The following MAEA variants were observed in gnomAD, a reference collection of about 807,000 sequenced individuals.
MAEA encodes the protein E3 ubiquitin-protein transferase MAEA.
In MAEA, 22 loss-of-function variants were observed where a neutral mutation model predicts 46.2. That is an observed-to-expected ratio of 0.48 (90% CI 0.34 to 0.68). The LOEUF (loss-of-function observed/expected upper bound fraction) is 0.68. Ranked by LOEUF, MAEA falls within the 30% of genes least tolerant of loss-of-function variation. The pLI is 0.01. For synonymous variants in MAEA, 246 were observed against 222.6 expected, an observed-to-expected ratio of 1.11 and a Z score of -0.94; for missense variants, 393 against 558.1, an observed-to-expected ratio of 0.70 and a Z score of 2.98.
At chr4:1,317,694 G>C (rs1164988888) in intron 3 of MAEA, among the ~76,000 whole-genome samples, 1 of 152,214 alleles carries the variant, frequency 6.6e-6, no homozygotes, top group Non-Finnish European at 1.5e-5. Context: ...CACCGCTGGG[G>C]TATGGCGTCT....
Position 1,324,850 on chromosome 4 carries a change from ATG to A in MAEA, c.579+2348_579+2349del, listed in dbSNP as rs1377331334. On this transcript the variant is annotated intron_variant, in intron 4 of 8. Transcript: ENST00000303400. ...GGTGGATGAGCGTGCCTGGTGTTGG[ATG>A]AGTTGAGATTGGATGAGCGTGCCTG... 5.7e-5 allele frequency among the ~76,000 whole-genome samples: 8 copies of A among 140,722 alleles called. No homozygotes were observed. The Admixed American group carries it at 5.8e-4, about 10-fold the overall frequency. 92.3% of individuals were successfully genotyped at this position (140,722 alleles called of 152,430 possible).
chr4:1,292,537 G>A (rs538170709), intron 1 of MAEA, among the ~76,000 whole-genome samples: 48 of 152,272 alleles, frequency 3.2e-4, no homozygotes, highest in Admixed American at 3.3e-4. Context: ...GCCTGCGAAC[G>A]TTTGGGCTGG....
intron 2 of MAEA, chr4:1,312,533 G>T: frequency 4.9e-6 from 1 of 202,872 alleles, no homozygotes; most frequent in Non-Finnish European, 1.0e-5. Flanking sequence ...GGGTTCAGGC[G>T]ATTCTCCTGC....
chr4:1,338,887 A>G, intron 8 of MAEA, 187 bp from the exon 9 acceptor site: 1 of 660,796 alleles, frequency 1.5e-6, no homozygotes, highest in South Asian at 1.8e-5. Flanking sequence ...TTCGTTCGAA[A>G]TGGATGAAGG....
intron 2 of MAEA, chr4:1,312,520 C>T: frequency 4.7e-6 from 1 of 214,480 alleles, no homozygotes; most frequent in Non-Finnish European, 9.4e-6. Flanking sequence ...GCCTCCACCT[C>T]CGGGGTTCAG....
At chr4:1,326,589 C>T (rs1280606430) in intron 4 of MAEA, among the ~76,000 whole-genome samples, 1 of 152,182 alleles carries the variant, frequency 6.6e-6, no homozygotes, top group Non-Finnish European at 1.5e-5. Flanking sequence ...CATAGGCAGA[C>T]ACATGTGGGA....
chr4:1,331,600 C>G (rs1711820159), intron 5 of MAEA: 1 of 152,328 alleles, frequency 6.6e-6, no homozygotes, highest in South Asian at 2.1e-4. Flanking sequence ...CAGCACAGGG[C>G]TGACTCACAC....
chr4:1,294,280 C>T (rs375895864), intron 1 of MAEA, among the ~76,000 whole-genome samples: 3 of 152,176 alleles, frequency 2.0e-5, no homozygotes, highest in African/African-American at 7.2e-5. Context: ...TCCGCGGCCT[C>T]CGCGCTGGCA....
rs555472746 is a variant in MAEA at position 1,336,753 on chromosome 4, G to A, written c.766-108G>A. ...AGTGCAAAGTGTGTGGGTCACTGGG[G>A]GATGGCTGTGGGCCGATGGCACCTG... is the stretch of plus-strand genomic sequence containing the variant. On this transcript the variant is annotated intron_variant, in intron 6 of 8. Coordinates refer to ENST00000303400, the MANE Select transcript of MAEA (RefSeq NM_001017405.3). 3.9e-6 allele frequency: 4 copies of A among 1,031,340 alleles called. No individual in the cohort carries two copies. The South Asian group carries it at 6.2e-5, about 16-fold the overall frequency. The allele number at this position is 1,031,340 out of a possible 1,614,324, so 63.9% of individuals were successfully genotyped here.
At chr4:1,312,195 G>T (rs202041169) in intron 2 of MAEA, 34 bp downstream of exon 2, 1 of 1,611,704 alleles carries the variant, frequency 6.2e-7, no homozygotes, top group East Asian at 2.2e-5. Context: ...CTTCAGTCTG[G>T]GGCATGGACA....
At chr4:1,312,249 A>G (rs1388155262) in intron 2 of MAEA, 88 bp downstream of exon 2, 4 of 1,519,614 alleles carry the variant, frequency 2.6e-6, no homozygotes, top group Non-Finnish European at 3.6e-6. Context: ...GCAAGCTGCA[A>G]TGATGGGAAC....
At chr4:1,309,792 C>A in intron 1 of MAEA, 1 of 1,421,070 alleles carries the variant, frequency 7.0e-7, no homozygotes. Flanking sequence ...TTCCCTTGCA[C>A]TGGGAGCAAA....
intron 6 of MAEA, among the ~76,000 whole-genome samples, chr4:1,333,702 A>C (rs1577236272): frequency 1.2e-4 from 2 of 16,892 alleles, no homozygotes; most frequent in Non-Finnish European, 1.1e-4. Flanking sequence ...CCGTGTGCTC[A>C]CCCCCTTGCC....
intron 6 of MAEA, among the ~76,000 whole-genome samples, chr4:1,336,139 A>T (rs1310187091): frequency 6.6e-6 from 1 of 152,186 alleles, no homozygotes; most frequent in African/African-American, 2.4e-5. Flanking sequence ...AGCATGTTGA[A>T]ATCAGGGAGT....
At chr4:1,323,040 G>A (rs1738355957) in intron 4 of MAEA, among the ~76,000 whole-genome samples, 1 of 144,356 alleles carries the variant, frequency 6.9e-6, no homozygotes, top group Admixed American at 7.3e-5. Context: ...CTTGCCTCCG[G>A]TGTTCAAGCG....
chr4:1,322,078 T>G (rs1026394218), intron 3 of MAEA, among the ~76,000 whole-genome samples: 1 of 152,192 alleles, frequency 6.6e-6, no homozygotes, highest in African/African-American at 2.4e-5. Context: ...GGCCTGGCCC[T>G]GCCTGCATGT....
At chr4:1,317,335 T>A (rs1431597758) in intron 3 of MAEA, among the ~76,000 whole-genome samples, 1 of 90,344 alleles carries the variant, frequency 1.1e-5, no homozygotes, top group African/African-American at 4.2e-5. Flanking sequence ...GGCCCCACAC[T>A]CTGGACTCAT....
At chr4:1,328,486 C>A in intron 5 of MAEA, 1 of 476,172 alleles carries the variant, frequency 2.1e-6, no homozygotes, top group Non-Finnish European at 3.2e-6. Flanking sequence ...GCGGCCAAGC[C>A]TTGCGGTGAC....
chr4:1,335,117 T>G (rs765727868), intron 6 of MAEA: 35 of 985,330 alleles, frequency 3.6e-5, no homozygotes, highest in Non-Finnish European at 4.2e-5. Context: ...GCTCTCTCTC[T>G]TAAGTCTAAA....
Sources: gnomAD v4.1 joint callset for allele counts (sites outside exome capture counted in the v4.1 genomes callset) on GRCh38, gnomAD v4.1.1 for gene constraint, MANE v1.5 for transcripts, NCBI Gene and HGNC (gene_info 2026-07-23, HGNC 2026-07-21) for gene names.